ZC3H6: variants seen among roughly 807,000 people sequenced by gnomAD.
The protein encoded by ZC3H6 is zinc finger CCCH domain-containing protein 6.
ZC3H6 carries 40 observed loss-of-function variants against 107.7 expected under a neutral mutation model. That is an observed-to-expected ratio of 0.37 (90% CI 0.29 to 0.48). The LOEUF (loss-of-function observed/expected upper bound fraction) is 0.48, where lower values mean the gene tolerates loss of function less well. Ranked by LOEUF, ZC3H6 falls within the 20% of genes least tolerant of loss-of-function variation. The probability of loss-of-function intolerance (pLI) is 0.98; values close to 1 mark genes in which losing one functional copy is unlikely to be tolerated. For missense variants in ZC3H6, 1,267 were observed against 1,410.4 expected (o/e 0.90, Z 1.63); for synonymous variants, 493 against 487.9 (o/e 1.01, Z -0.14).
Position 112,332,484 on chromosome 2 carries a change from G to C in ZC3H6, c.3566G>C (p.Cys1189Ser). The C allele has an allele frequency of 6.2e-7, 1 of 1,600,712 alleles. No homozygotes were observed. Among genetic ancestry groups the C allele is most frequent in the East Asian group, 2.2e-5 (1 of 44,856 alleles). ...TTTGATCCAACTGCTTCACCATTTT[G>C]TTAGCTATTGTGTAACTGAGCAATT... ...KTFDPTASPF[C>S] is the part of the protein sequence containing the mutation. Residue 1189 changes from cysteine (C) to serine (S), a missense_variant, in exon 12 of 12, where the codon TGT (cysteine) becomes TCT (serine). Coordinates refer to ENST00000409871, the MANE Select transcript of ZC3H6 (RefSeq NM_198581.3).
At chr2:112,284,175 TATG>T (rs1023990941) in intron 1 of ZC3H6, among the ~76,000 whole-genome samples, 4 of 152,270 alleles carry the variant, frequency 2.6e-5, no homozygotes, top group African/African-American at 9.6e-5. Context: ...TTGAGTTTTT[TATG>T]ATATCTCCTG....
chr2:112,317,680 T>G (rs913070633), intron 7 of ZC3H6, among the ~76,000 whole-genome samples: 7 of 152,208 alleles, frequency 4.6e-5, no homozygotes, highest in Non-Finnish European at 7.3e-5. Context: ...AGTAAAAAAT[T>G]ATCATTGTGA....
intron 2 of ZC3H6, 135 bp from the exon 3 acceptor site, chr2:112,303,094 C>A: frequency 8.9e-7 from 1 of 1,121,856 alleles, no homozygotes; most frequent in Non-Finnish European, 1.2e-6. Context: ...AAGAATTTTT[C>A]AGTAGTACTT....
At chr2:112,315,178 G>T (rs921100167) in intron 5 of ZC3H6, among the ~76,000 whole-genome samples, 2 of 152,096 alleles carry the variant, frequency 1.3e-5, no homozygotes, top group Admixed American at 6.5e-5. Context: ...AAATAATGTT[G>T]TTTTTTAGAG....
intron 1 of ZC3H6, among the ~76,000 whole-genome samples, chr2:112,282,271 G>T (rs943808886): frequency 3.9e-5 from 6 of 152,206 alleles, no homozygotes; most frequent in African/African-American, 1.4e-4. Flanking sequence ...AGCGGCCGGA[G>T]AACTCTGTTC....
intron 11 of ZC3H6, among the ~76,000 whole-genome samples, chr2:112,329,770 T>C (rs996254514): frequency 6.6e-6 from 1 of 152,228 alleles, no homozygotes; most frequent in Non-Finnish European, 1.5e-5. Context: ...AGTATATCTA[T>C]ACATCTGTAT....
chr2:112,312,873 A>AT (rs1203024947), intron 5 of ZC3H6, among the ~76,000 whole-genome samples: 10 of 151,790 alleles, frequency 6.6e-5, no homozygotes, highest in Admixed American at 5.2e-4. Context: ...ATAAAAAAAA[A>AT]AAAAAAGCTG....
chr2:112,294,117 A>G (rs541008187), intron 1 of ZC3H6, among the ~76,000 whole-genome samples: 1 of 152,302 alleles, frequency 6.6e-6, no homozygotes, highest in Admixed American at 6.5e-5. Flanking sequence ...GCAGCACCTC[A>G]CAATACTGCC....
intron 2 of ZC3H6, among the ~76,000 whole-genome samples, chr2:112,301,024 C>T (rs948918678): frequency 7.2e-5 from 11 of 152,106 alleles, no homozygotes; most frequent in Non-Finnish European, 1.2e-4. Context: ...TGGAGCCAAA[C>T]GATAGACAGC....
chr2:112,317,156 GTTTC>G, intron 6 of ZC3H6, 61 bp from the exon 7 acceptor site: 1 of 877,874 alleles, frequency 1.1e-6, no homozygotes, highest in East Asian at 3.1e-5. Context: ...TTCAGCTGTT[GTTTC>G]TTTGTTTCTC....
chr2:112,282,575 A>T (rs904094379), intron 1 of ZC3H6, among the ~76,000 whole-genome samples: 1 of 152,212 alleles, frequency 6.6e-6, no homozygotes, highest in African/African-American at 2.4e-5. Context: ...CCAAGATCAC[A>T]AAGTAAGTCA....
In ZC3H6 at chr2:112,301,873, G is replaced by GAAAAAT. The variant is rs374067176; in HGVS notation, c.214-1352_214-1347dup. ...AACTTATCAATAATAAAAGGGAAAAGAAAAATAAATGTATATATGCTGAGG... is the reference window on the plus strand; with the variant it reads ...AACTTATCAATAATAAAAGGGAAAAGAAAAATAAAAATAAATGTATATATGCTGAGG... On this transcript the variant is annotated intron_variant, in intron 2 of 11. Transcript: ENST00000409871. Among the ~76,000 whole-genome samples, 10 of 151,712 alleles carry GAAAAAT rather than the reference G, an allele frequency of 6.6e-5. No homozygotes were observed. In the East Asian group the frequency reaches 1.9e-3, roughly 29 times the overall value.
chr2:112,324,074 A>G, intron 9 of ZC3H6, 78 bp from the exon 10 acceptor site: 1 of 1,440,548 alleles, frequency 6.9e-7, no homozygotes, highest in Non-Finnish European at 9.3e-7. Flanking sequence ...TACTTAACCA[A>G]TATCTGTTTA....
rs2104729653 is a variant in ZC3H6, at chr2:112,333,413, A to AT, written c.*932dup. ...AATGTTTTAAATGTCTAGGTTCTGT[A>AT]TTTTTTTCTTAAATAGCAAGAAAAT... On this transcript the variant is annotated 3_prime_UTR_variant, in exon 12 of 12. Transcript: ENST00000409871. The AT allele has an allele frequency of 6.6e-6, 1 of 152,520 alleles. No individual in the cohort carries two copies. The highest frequency in any genetic ancestry group is 1.5e-5 in the Non-Finnish European group (1 of 67,922). The allele number at this position is 152,520 out of a possible 1,614,324, so 9.4% of individuals were successfully genotyped here.
At chr2:112,323,483 A>G (rs1409883485) in intron 9 of ZC3H6, among the ~76,000 whole-genome samples, 1 of 152,220 alleles carries the variant, frequency 6.6e-6, no homozygotes, top group Non-Finnish European at 1.5e-5. Context: ...TGAACCATTA[A>G]AAGTATTTCT....
In ZC3H6 at chr2:112,321,903, CA is replaced by C. The variant is rs1448789757; in HGVS notation, c.1086+41del. 3.2e-6 allele frequency: 3 copies of C among 929,906 alleles called. No individual in the cohort carries two copies. The African/African-American group carries it at 5.1e-5, about 16-fold the overall frequency. 57.6% of individuals were successfully genotyped at this position (929,906 alleles called of 1,614,324 possible). A position where few individuals can be genotyped will look rare whatever the true frequency, so the allele number is the denominator to read the frequency against. ...TTTGTACCTTGATTATGTCTCTCCACAAATACATTTGACTTGAATCATATTT... is the reference window on the plus strand; with the variant it reads ...TTTGTACCTTGATTATGTCTCTCCACAATACATTTGACTTGAATCATATTT... On this transcript the variant is annotated intron_variant, in intron 8 of 11. Transcript: ENST00000409871.
At chr2:112,297,476 C>G (rs1285196714) in intron 1 of ZC3H6, among the ~76,000 whole-genome samples, 1 of 152,146 alleles carries the variant, frequency 6.6e-6, no homozygotes, top group Non-Finnish European at 1.5e-5. Context: ...CTTTTTCAAA[C>G]TATAGTGTTT....
chr2:112,313,572 G>T (rs570780766), intron 5 of ZC3H6, among the ~76,000 whole-genome samples: 1 of 152,330 alleles, frequency 6.6e-6, no homozygotes, highest in East Asian at 1.9e-4. Flanking sequence ...GATGTCTGTA[G>T]ATCTGGGCTA....
intron 1 of ZC3H6, among the ~76,000 whole-genome samples, chr2:112,295,067 C>G (rs1289801942): frequency 3.3e-5 from 5 of 152,264 alleles, no homozygotes; most frequent in African/African-American, 1.2e-4. Flanking sequence ...CCTTTACCCA[C>G]TAGCATTCAC....
Sources: allele counts gnomAD v4.1 joint callset (sites outside exome capture counted in the v4.1 genomes callset), GRCh38; gene constraint gnomAD v4.1.1; transcripts MANE v1.5; gene names NCBI Gene and HGNC (gene_info 2026-07-23, HGNC 2026-07-21).